Variants in MTX2 observed in about 807,000 individuals in gnomAD.
The protein encoded by MTX2 is metaxin-2.
MTX2 carries 35 observed loss-of-function variants against 42.3 expected under a neutral mutation model. That is an observed-to-expected ratio of 0.83 (90% confidence interval 0.63 to 1.10). MTX2 has a LOEUF of 1.10. Ranked by LOEUF, MTX2 falls within the 50% of genes least tolerant of loss-of-function variation. MTX2 has a pLI of 0.00. For missense variants in MTX2, 307 were observed against 304.1 expected, an observed-to-expected ratio of 1.01 and a Z score of -0.07; for synonymous variants, 119 against 100.9, an observed-to-expected ratio of 1.18 and a Z score of -1.08.
At chr2:176,284,420 T>C (rs1031938619) in intron 1 of MTX2, among the ~76,000 whole-genome samples, 3 of 152,244 alleles carry the variant, frequency 2.0e-5, no homozygotes, top group Non-Finnish European at 4.4e-5. Flanking sequence ...CTTGTTAACC[T>C]CTAGAAGTTT....
At chr2:176,308,815 A>G (rs905298582) in intron 3 of MTX2, among the ~76,000 whole-genome samples, 1 of 151,694 alleles carries the variant, frequency 6.6e-6, no homozygotes, top group Non-Finnish European at 1.5e-5. Flanking sequence ...GTGGTCTATC[A>G]ATTTTGTTGA....
intron 3 of MTX2, among the ~76,000 whole-genome samples, chr2:176,309,588 C>T (rs1219755934): frequency 1.3e-5 from 2 of 152,084 alleles, no homozygotes; most frequent in Non-Finnish European, 2.9e-5. Context: ...GTATTGGGTG[C>T]ATATATATTT....
At chr2:176,302,915 A>G (rs1259032371) in intron 3 of MTX2, among the ~76,000 whole-genome samples, 1 of 152,196 alleles carries the variant, frequency 6.6e-6, no homozygotes, top group Non-Finnish European at 1.5e-5. Context: ...GGGAAAGGGC[A>G]GGAGAGAGGA....
intron 3 of MTX2, among the ~76,000 whole-genome samples, chr2:176,307,859 C>A (rs1684191278): frequency 6.6e-6 from 1 of 152,120 alleles, no homozygotes; most frequent in African/African-American, 2.4e-5. Flanking sequence ...AACAGTTTGA[C>A]TTCCTGATTT....
intron 1 of MTX2, among the ~76,000 whole-genome samples, chr2:176,280,351 A>C (rs1168022764): frequency 6.6e-6 from 1 of 152,222 alleles, no homozygotes; most frequent in Non-Finnish European, 1.5e-5. Context: ...CGATTTAGAT[A>C]AACGGAATTC....
intron 1 of MTX2, among the ~76,000 whole-genome samples, chr2:176,296,534 G>C (rs1216046603): frequency 2.0e-5 from 3 of 152,162 alleles, no homozygotes; most frequent in South Asian, 2.1e-4. Flanking sequence ...GGATATGTCT[G>C]TGTTTGAAAG....
At position 176,316,431 on chromosome 2, in the gene MTX2, T is replaced by C. The variant is rs146773747; in HGVS notation, c.136-6961T>C. Among the ~76,000 whole-genome samples, 6 of 152,228 alleles carry C rather than the reference T, an allele frequency of 3.9e-5. No homozygotes were observed. In the East Asian group the frequency reaches 1.2e-3, roughly 29 times the overall value. On this transcript the variant is annotated intron_variant, in intron 3 of 9. Transcript: ENST00000249442. The stretch of plus-strand genomic sequence containing the variant: ...TTTGGTTTTTGTTTTGACAGGGTCT[T>C]ATGCCCATCACCCAGGCTAGAGTGC...
At chr2:176,319,484 A>G (rs1684524027) in intron 3 of MTX2, among the ~76,000 whole-genome samples, 1 of 135,648 alleles carries the variant, frequency 7.4e-6, no homozygotes, top group South Asian at 2.3e-4. Flanking sequence ...ACCTTTAATT[A>G]TTGGACTCAA....
intron 8 of MTX2, among the ~76,000 whole-genome samples, chr2:176,330,193 T>G (rs1366058665): frequency 6.6e-6 from 1 of 150,968 alleles, no homozygotes; most frequent in Non-Finnish European, 1.5e-5. Flanking sequence ...GCAGATTTTT[T>G]GGTATATGCA....
At chr2:176,287,397 A>G (rs1254761745) in intron 1 of MTX2, among the ~76,000 whole-genome samples, 1 of 152,216 alleles carries the variant, frequency 6.6e-6, no homozygotes, top group African/African-American at 2.4e-5. Context: ...AAATGCTCCA[A>G]AATCCAAAAC....
chr2:176,295,465 C>T (rs2105411967), intron 1 of MTX2, among the ~76,000 whole-genome samples: 1 of 152,196 alleles, frequency 6.6e-6, no homozygotes, highest in Admixed American at 6.5e-5. Flanking sequence ...AAGTTGACAG[C>T]AAAATATTTT....
intron 1 of MTX2, among the ~76,000 whole-genome samples, chr2:176,285,239 C>G (rs1558926225): frequency 6.6e-6 from 1 of 152,070 alleles, no homozygotes; most frequent in Non-Finnish European, 1.5e-5. Flanking sequence ...ATAATAGTGT[C>G]TACCTCATAA....
intron 3 of MTX2, among the ~76,000 whole-genome samples, chr2:176,312,283 T>G (rs1037427820): frequency 6.6e-5 from 10 of 152,202 alleles, no homozygotes; most frequent in African/African-American, 2.4e-4. Context: ...GGAATATCTA[T>G]GGCTTGTTCA....
At chr2:176,311,202 C>G (rs1038454354) in intron 3 of MTX2, among the ~76,000 whole-genome samples, 3 of 152,094 alleles carry the variant, frequency 2.0e-5, no homozygotes, top group Admixed American at 1.3e-4. Context: ...CACTCCAGAC[C>G]CTGTTTGCCT....
intron 3 of MTX2, among the ~76,000 whole-genome samples, chr2:176,305,793 A>G (rs975901715): frequency 3.3e-5 from 5 of 152,172 alleles, no homozygotes; most frequent in Non-Finnish European, 7.4e-5. Flanking sequence ...AGGTCAGTCT[A>G]TGAAGTGATA....
chr2:176,288,679 C>T (rs1272095465), intron 1 of MTX2, among the ~76,000 whole-genome samples: 1 of 151,346 alleles, frequency 6.6e-6, no homozygotes. Context: ...GTTATTATAG[C>T]ATTAATCAAT....
chr2:176,334,293 T>A (rs888770845), intron 9 of MTX2, among the ~76,000 whole-genome samples: 1 of 151,920 alleles, frequency 6.6e-6, no homozygotes, highest in African/African-American at 2.4e-5. Flanking sequence ...GCACCTTTTT[T>A]AGGCTCTAGT....
intron 1 of MTX2, among the ~76,000 whole-genome samples, chr2:176,289,334 A>T (rs980478015): frequency 6.6e-6 from 1 of 151,914 alleles, no homozygotes; most frequent in Non-Finnish European, 1.5e-5. Flanking sequence ...AATACTTATG[A>T]GTTTCTTTGA....
intron 3 of MTX2, among the ~76,000 whole-genome samples, chr2:176,318,397 G>C (rs921800529): frequency 6.6e-6 from 1 of 152,010 alleles, no homozygotes; most frequent in African/African-American, 2.4e-5. Flanking sequence ...TTAGAAATCA[G>C]GTACAGGCAA....
Sources: allele counts gnomAD v4.1 joint callset (sites outside exome capture counted in the v4.1 genomes callset), GRCh38; gene constraint gnomAD v4.1.1; transcripts MANE v1.5; gene names NCBI Gene and HGNC (gene_info 2026-07-23, HGNC 2026-07-21).